The following FOXO1 variants were observed in gnomAD, a reference collection of about 807,000 sequenced individuals.
FOXO1 encodes forkhead box protein O1.
Under a neutral mutation model 44.1 loss-of-function variants are expected in FOXO1, and 6 were observed. The observed-to-expected ratio is 0.14, with a 90% CI of 0.07 to 0.27. The LOEUF (loss-of-function observed/expected upper bound fraction) is 0.27. Among genes scored for constraint, FOXO1 ranks in the 10% least tolerant of loss-of-function variants. The pLI, the probability that FOXO1 is intolerant of heterozygous loss-of-function variation, is 1.00. For missense variants in FOXO1, 737 were observed against 888.8 expected (o/e 0.83, Z 2.17); for synonymous variants, 380 against 362.7 (o/e 1.05, Z -0.54).
chr13:40,624,551 G>C (rs1015265479), intron 1 of FOXO1, among the ~76,000 whole-genome samples: 1 of 152,162 alleles, frequency 6.6e-6, no homozygotes, highest in African/African-American at 2.4e-5. Flanking sequence ...AGGGGGTGGG[G>C]TGGGAACCCC....
chr13:40,654,286 G>A (rs534327957), intron 1 of FOXO1, among the ~76,000 whole-genome samples: 278 of 122,310 alleles, frequency 2.3e-3, no homozygotes, highest in Admixed American at 9.8e-3. Flanking sequence ...GACCAGCCTA[G>A]CCAAGACAGT....
At chr13:40,576,477 C>T (rs955324620) in intron 1 of FOXO1, among the ~76,000 whole-genome samples, 7 of 152,166 alleles carry the variant, frequency 4.6e-5, no homozygotes, top group Non-Finnish European at 7.3e-5. Context: ...GAGTGGGTGT[C>T]TGTATTTTTG....
intron 1 of FOXO1, among the ~76,000 whole-genome samples, chr13:40,579,151 G>A (rs922029436): frequency 3.3e-5 from 5 of 152,182 alleles, no homozygotes; most frequent in African/African-American, 7.2e-5. Context: ...AAAGGGCTAC[G>A]TATTGGTGAG....
chr13:40,582,594 C>T (rs1874999577), intron 1 of FOXO1, among the ~76,000 whole-genome samples: 1 of 152,200 alleles, frequency 6.6e-6, no homozygotes, highest in Admixed American at 6.5e-5. Context: ...CATGTTCATT[C>T]ACAGCATCTT....
chr13:40,659,101 G>A (rs1384468595), intron 1 of FOXO1, among the ~76,000 whole-genome samples: 3 of 152,010 alleles, frequency 2.0e-5, no homozygotes, highest in African/African-American at 7.3e-5. Flanking sequence ...CAGATCACGA[G>A]GTTAGGAGTT....
chr13:40,568,527 A>C (rs1874356688), intron 1 of FOXO1, among the ~76,000 whole-genome samples: 1 of 152,236 alleles, frequency 6.6e-6, no homozygotes, highest in Non-Finnish European at 1.5e-5. Context: ...TTGCAAACAG[A>C]AGGAAAACAT....
In FOXO1 at chr13:40,619,405, AC is replaced by A. The variant is rs1215184592; in HGVS notation, c.630+46177del. 3.6e-6 allele frequency: 3 copies of A among 840,410 alleles called. No individual in the cohort carries two copies. In the African/African-American group the frequency reaches 5.0e-5, roughly 14 times the overall value. The allele number at this position is 840,410 out of a possible 1,614,324, so 52.1% of individuals were successfully genotyped here. A position where few individuals can be genotyped will look rare whatever the true frequency, so the allele number is the denominator to read the frequency against. On this transcript the variant is annotated intron_variant, in intron 1 of 2. Coordinates refer to ENST00000379561, the MANE Select transcript of FOXO1 (RefSeq NM_002015.4). ...AGCATAGTTGAACACCTTTCGGGGC[AC>A]AGGAAATGCAACTCAAAGTGGACAA... is the stretch of plus-strand genomic sequence containing the variant.
chr13:40,568,917 G>A (rs1181194678), intron 1 of FOXO1, among the ~76,000 whole-genome samples: 3 of 150,798 alleles, frequency 2.0e-5, no homozygotes, highest in Non-Finnish European at 4.5e-5. Context: ...CAACGCAGAT[G>A]GGAAACTTAT....
chr13:40,627,506 A>T (rs1318306344), intron 1 of FOXO1, among the ~76,000 whole-genome samples: 1 of 152,134 alleles, frequency 6.6e-6, no homozygotes, highest in African/African-American at 2.4e-5. Context: ...GACTGACAAA[A>T]CTGGAACATG....
At chr13:40,590,926 T>C (rs1038543698) in intron 1 of FOXO1, among the ~76,000 whole-genome samples, 8 of 152,194 alleles carry the variant, frequency 5.3e-5, no homozygotes, top group African/African-American at 1.4e-4. Context: ...TTCTACTTCA[T>C]ACCTACTCTC....
At chr13:40,648,379 T>C (rs1375237562) in intron 1 of FOXO1, among the ~76,000 whole-genome samples, 2 of 152,202 alleles carry the variant, frequency 1.3e-5, no homozygotes, top group African/African-American at 2.4e-5. Context: ...CCACCATGTA[T>C]ACTTAGATGC....
chr13:40,611,112 C>A, intron 1 of FOXO1: 1 of 449,884 alleles, frequency 2.2e-6, no homozygotes, highest in Non-Finnish European at 4.5e-6. Flanking sequence ...TGCACATAGG[C>A]TGTAAAACTC....
At position 40,616,249 on chromosome 13, in the gene FOXO1, G is replaced by A. The variant is rs533692397; in HGVS notation, c.630+49334C>T. The stretch of plus-strand genomic sequence containing the variant: ...CTTTAGCTGAGACAAGAATATCTGG[G>A]AATGATAGTAAGGAGGATTTCTTTT... On this transcript the variant is annotated intron_variant, in intron 1 of 2. Coordinates refer to ENST00000379561, the MANE Select transcript of FOXO1 (RefSeq NM_002015.4). 3.0e-4 allele frequency among the ~76,000 whole-genome samples: 45 copies of A among 151,986 alleles called. No homozygotes were observed. In the South Asian group the frequency reaches 9.2e-3, roughly 31 times the overall value.
At position 40,556,088 on chromosome 13, in the gene FOXO1, TTC is replaced by T. The variant is rs1356109522; in HGVS notation, c.*2959_*2960del. On this transcript the variant is annotated 3_prime_UTR_variant, in exon 3 of 3. Transcript: ENST00000379561. The stretch of plus-strand genomic sequence containing the variant: ...CCCAAACTAAAACCAGAAAAGAAAC[TTC>T]TCTTTTAAAATTAGTTATAAATTAA... The T allele has an allele frequency of 2.6e-5, 4 of 152,330 alleles. No homozygotes were observed. The highest frequency in any genetic ancestry group is 9.6e-5 in the African/African-American group (4 of 41,564). 9.4% of individuals were successfully genotyped at this position (152,330 alleles called of 1,614,324 possible). A position where few individuals can be genotyped will look rare whatever the true frequency, so the allele number is the denominator to read the frequency against.
chr13:40,571,690 C>T (rs1391852745), intron 1 of FOXO1, among the ~76,000 whole-genome samples: 2 of 152,226 alleles, frequency 1.3e-5, no homozygotes, highest in Non-Finnish European at 2.9e-5. Flanking sequence ...GGCCCCACCA[C>T]AGGAGAATAT....
rs570095761 is a variant in FOXO1 at position 40,609,757 on chromosome 13, T to C, written c.631-48897A>G. Among the ~76,000 whole-genome samples the C allele has an allele frequency of 1.2e-4, 19 of 152,302 alleles. No homozygotes were observed. In the South Asian group the frequency reaches 3.7e-3, roughly 30 times the overall value. ...GCCCAGGATTTTAACCTGGAGCCCA[T>C]GGACAGAACTCAAGGGATTCATGAC... On this transcript the variant is annotated intron_variant, in intron 1 of 2. Coordinates refer to ENST00000379561, the MANE Select transcript of FOXO1 (RefSeq NM_002015.4).
intron 1 of FOXO1, among the ~76,000 whole-genome samples, chr13:40,665,058 C>T (rs1593421602): frequency 2.6e-5 from 4 of 151,852 alleles, no homozygotes; most frequent in East Asian, 1.9e-4. Flanking sequence ...GCACCGTCCC[C>T]GGCCGGTCGC....
rs978996141 is a variant in FOXO1, at chr13:40,595,291, C to T, written c.631-34431G>A. Among the ~76,000 whole-genome samples the T allele has an allele frequency of 3.9e-5, 6 of 152,152 alleles. No individual in the cohort carries two copies. The East Asian group carries it at 9.6e-4, about 24-fold the overall frequency. On this transcript the variant is annotated intron_variant, in intron 1 of 2. Coordinates refer to ENST00000379561, the MANE Select transcript of FOXO1 (RefSeq NM_002015.4). ...AGAATAAAGCCTCCATTCTATAAGC[C>T]TAACCAGTAAGTTGGAGGGGGACTG...
chr13:40,564,279 C>CT (rs926450793), intron 1 of FOXO1, among the ~76,000 whole-genome samples: 9 of 141,268 alleles, frequency 6.4e-5, no homozygotes, highest in African/African-American at 1.8e-4. Flanking sequence ...CTAATTTAGA[C>CT]TTTAAAAAAA....
Sources: allele counts gnomAD v4.1 joint callset (sites outside exome capture counted in the v4.1 genomes callset), GRCh38; gene constraint gnomAD v4.1.1; transcripts MANE v1.5; gene names NCBI Gene and HGNC (gene_info 2026-07-23, HGNC 2026-07-21).